Variants in BMPER observed in about 807,000 individuals in gnomAD.
BMPER encodes the protein BMP-binding endothelial regulator protein.
In BMPER, 45 loss-of-function variants were observed where a neutral mutation model predicts 87.3. The observed-to-expected ratio is 0.52, with a 90% CI of 0.41 to 0.66. The LOEUF (loss-of-function observed/expected upper bound fraction) is 0.66. BMPER is among the 30% of genes least tolerant of loss of function. The pLI is 0.00. For synonymous variants in BMPER, 326 were observed against 316.2 expected, an observed-to-expected ratio of 1.03 and a Z score of -0.33; for missense variants, 784 against 867.5, an observed-to-expected ratio of 0.90 and a Z score of 1.21.
intron 11 of BMPER, among the ~76,000 whole-genome samples, chr7:34,072,225 C>T (rs1215404276): frequency 1.3e-5 from 2 of 152,204 alleles, no homozygotes; most frequent in African/African-American, 4.8e-5. Flanking sequence ...ACTTGGCATA[C>T]ACTAGTTATT....
At chr7:34,094,007 C>T (rs967798897) in intron 13 of BMPER, among the ~76,000 whole-genome samples, 1 of 152,148 alleles carries the variant, frequency 6.6e-6, no homozygotes, top group Non-Finnish European at 1.5e-5. Context: ...GGACTCATTC[C>T]AGGTCGCCTG....
chr7:33,905,248 G>T (rs1453459616), upstream of BMPER: 6 of 340,848 alleles, frequency 1.8e-5, no homozygotes, highest in Non-Finnish European at 3.3e-5. Flanking sequence ...GCAGTCGGCA[G>T]CGCCGCAGCT....
chr7:34,128,976 T>G (rs912361298), intron 13 of BMPER, among the ~76,000 whole-genome samples: 2 of 152,164 alleles, frequency 1.3e-5, no homozygotes, highest in African/African-American at 4.8e-5. Flanking sequence ...TTGTGAGTCA[T>G]CCGGCCTGTT....
chr7:34,060,705 A>G (rs184928567), intron 10 of BMPER, among the ~76,000 whole-genome samples: 1 of 152,334 alleles, frequency 6.6e-6, no homozygotes, highest in East Asian at 1.9e-4. Flanking sequence ...GAGTGAGTGA[A>G]TGAGCAGTGT....
At chr7:33,978,548 T>C (rs1785754672) in intron 6 of BMPER, among the ~76,000 whole-genome samples, 1 of 152,016 alleles carries the variant, frequency 6.6e-6, no homozygotes, top group Non-Finnish European at 1.5e-5. Flanking sequence ...CAACCAGGGT[T>C]TGGTTGAGGG....
Position 34,086,090 on chromosome 7 carries a change from C to T in BMPER, c.1743C>T (p.Tyr581=), listed in dbSNP as rs373141339. ...CGACTGTGGACTACGCCACTTTCTACCGGTAAGTACAGTGTTCTGGGGAAT... is the reference window on the plus strand; with the variant it reads ...CGACTGTGGACTACGCCACTTTCTATCGGTAAGTACAGTGTTCTGGGGAAT... ...CHSTVDYATF[Y]RSCVTDMCEC... The change falls in exon 13 of 15, where the codon TAC becomes TAT. Residue 581 remains tyrosine (Y), a splice_region_variant and synonymous_variant. Coordinates refer to ENST00000649409, the MANE Select transcript of BMPER (RefSeq NM_001365308.1). 4.8e-5 allele frequency: 78 copies of T among 1,613,444 alleles called. No individual in the cohort carries two copies. The highest frequency in any genetic ancestry group is 6.1e-5 in the Non-Finnish European group (72 of 1,179,922).
chr7:33,968,627 G>A (rs1785462277), intron 4 of BMPER, among the ~76,000 whole-genome samples: 1 of 152,232 alleles, frequency 6.6e-6, no homozygotes, highest in East Asian at 1.9e-4. Context: ...TTCAGGGAGA[G>A]TTGTAAGCAG....
At chr7:34,120,478 A>C (rs977374864) in intron 13 of BMPER, among the ~76,000 whole-genome samples, 10 of 151,276 alleles carry the variant, frequency 6.6e-5, no homozygotes, top group Admixed American at 5.9e-4. Context: ...GGCTCACCGC[A>C]AGCTCCTCCT....
intron 6 of BMPER, among the ~76,000 whole-genome samples, chr7:34,033,337 T>A (rs992401919): frequency 6.6e-6 from 1 of 152,210 alleles, no homozygotes; most frequent in Non-Finnish European, 1.5e-5. Flanking sequence ...GCTAGCAATG[T>A]TCTGATCATG....
chr7:34,109,893 G>T (rs1789916469), intron 13 of BMPER, among the ~76,000 whole-genome samples: 1 of 152,066 alleles, frequency 6.6e-6, no homozygotes, highest in South Asian at 2.1e-4. Context: ...GCTTCTTTTT[G>T]ATCCTTGCAA....
intron 2 of BMPER, among the ~76,000 whole-genome samples, chr7:33,922,985 C>G (rs1209116222): frequency 1.3e-5 from 2 of 152,144 alleles, no homozygotes; most frequent in African/African-American, 2.4e-5. Context: ...GCTTGTTTCT[C>G]CATTGACCTC....
chr7:33,905,785 C>A (rs1783797867), intron 1 of BMPER, 39 bp downstream of exon 1: 2 of 1,415,626 alleles, frequency 1.4e-6, no homozygotes. Context: ...CTCCGGGACG[C>A]CGGTTTGGTA....
intron 6 of BMPER, 135 bp downstream of exon 6, chr7:33,974,919 G>A: frequency 1.1e-6 from 1 of 893,624 alleles, no homozygotes; most frequent in Non-Finnish European, 1.8e-6. Flanking sequence ...CTGATGTGGA[G>A]CCGAGGGAAA....
chr7:33,956,603 A>G (rs1383095071), intron 3 of BMPER, among the ~76,000 whole-genome samples: 1 of 151,694 alleles, frequency 6.6e-6, no homozygotes, highest in Admixed American at 6.6e-5. Context: ...CACCTCTTCC[A>G]CCCCTGAGAC....
intron 13 of BMPER, among the ~76,000 whole-genome samples, chr7:34,120,513 C>G (rs1790236356): frequency 6.6e-6 from 1 of 152,204 alleles, no homozygotes; most frequent in African/African-American, 2.4e-5. Context: ...ATTCCTTTGC[C>G]TCAGCCTCCT....
intron 6 of BMPER, among the ~76,000 whole-genome samples, chr7:34,030,593 A>G (rs933408345): frequency 6.6e-6 from 1 of 151,924 alleles, no homozygotes; most frequent in Admixed American, 6.6e-5. Context: ...AGTTTAGAAG[A>G]TGCTGCAGGA....
At chr7:33,924,513 A>T (rs1478662104) in intron 2 of BMPER, among the ~76,000 whole-genome samples, 1 of 150,990 alleles carries the variant, frequency 6.6e-6, no homozygotes, top group Non-Finnish European at 1.5e-5. Context: ...GCTCCTCCTT[A>T]CTCCTACGGG....
At chr7:34,132,350 A>G (rs1790614585) in intron 13 of BMPER, among the ~76,000 whole-genome samples, 1 of 150,526 alleles carries the variant, frequency 6.6e-6, no homozygotes, top group African/African-American at 2.5e-5. Context: ...ACCACACCCC[A>G]AAGGCCCCAG....
At chr7:34,006,029 A>C (rs1373054776) in intron 6 of BMPER, among the ~76,000 whole-genome samples, 1 of 152,004 alleles carries the variant, frequency 6.6e-6, no homozygotes, top group Non-Finnish European at 1.5e-5. Context: ...CATTGTAGCC[A>C]TTATTTGTAA....
Sources: gnomAD v4.1 joint callset for allele counts (sites outside exome capture counted in the v4.1 genomes callset) on GRCh38, gnomAD v4.1.1 for gene constraint, MANE v1.5 for transcripts, NCBI Gene and HGNC (gene_info 2026-07-23, HGNC 2026-07-21) for gene names.